Variants in PABPC4L observed in about 807,000 individuals in gnomAD.
PABPC4L encodes the protein poly(A) binding protein cytoplasmic 4 like, also known as polyadenylate-binding protein 4-like.
For missense variants in PABPC4L, 452 were observed against 451.4 expected (o/e 1.00, Z -0.01); for synonymous variants, 169 against 164.1 (o/e 1.03, Z -0.23).
the PABPC4L span, among the ~76,000 whole-genome samples, chr4:133,995,926 G>T: frequency 1.3e-5 from 2 of 152,050 alleles, no homozygotes; most frequent in Non-Finnish European, 2.9e-5. Context: ...TGGGCTAGTG[G>T]CTCCCTTTTC....
At chr4:134,159,993 C>T in the PABPC4L span, among the ~76,000 whole-genome samples, 1 of 152,110 alleles carries the variant, frequency 6.6e-6, no homozygotes, top group Non-Finnish European at 1.5e-5. Flanking sequence ...GTTTTTACTC[C>T]TGCATGGTGT....
At chr4:134,169,314 A>C in the PABPC4L span, among the ~76,000 whole-genome samples, 1 of 152,000 alleles carries the variant, frequency 6.6e-6, no homozygotes, top group African/African-American at 2.4e-5. Context: ...AAATCTAAAA[A>C]TCCATATAAG....
the PABPC4L span, among the ~76,000 whole-genome samples, chr4:134,149,593 G>A: frequency 6.6e-6 from 1 of 152,054 alleles, no homozygotes; most frequent in Non-Finnish European, 1.5e-5. Context: ...GACATTTCTT[G>A]GGTTATACAA....
chr4:134,075,158 G>A, the PABPC4L span, among the ~76,000 whole-genome samples: 4 of 152,262 alleles, frequency 2.6e-5, no homozygotes, highest in South Asian at 4.1e-4. Flanking sequence ...GAGAAGTTCA[G>A]GGTTTTGAGT....
In PABPC4L at chr4:134,197,973, T is replaced by C. The variant is rs1560838048; in HGVS notation, c.*1934A>G. The C allele has an allele frequency of 1.3e-5, 2 of 151,766 alleles. No homozygotes were observed. The highest frequency in any genetic ancestry group is 3.0e-5 in the Non-Finnish European group (2 of 67,722). The allele number at this position is 151,766 out of a possible 1,614,324, so 9.4% of individuals were successfully genotyped here. On this transcript the variant is annotated 3_prime_UTR_variant, in exon 2 of 2. Transcript: ENST00000421491. The stretch of plus-strand genomic sequence containing the variant: ...ACATTTTCTTAAGAAAATAGATATA[T>C]TTGCATATATAAGTTCGCAAGGATG...
the PABPC4L span, among the ~76,000 whole-genome samples, chr4:134,009,631 G>A: frequency 6.6e-6 from 1 of 151,892 alleles, no homozygotes; most frequent in African/African-American, 2.4e-5. Context: ...TTCCTATTGT[G>A]GAGAACATTT....
At chr4:134,056,859 C>T in the PABPC4L span, among the ~76,000 whole-genome samples, 13 of 151,868 alleles carry the variant, frequency 8.6e-5, no homozygotes, top group African/African-American at 2.9e-4. Context: ...CTTTTTCTGG[C>T]TGTGTATCTT....
At chr4:133,996,667 T>C in the PABPC4L span, among the ~76,000 whole-genome samples, 1 of 152,152 alleles carries the variant, frequency 6.6e-6, no homozygotes, top group Admixed American at 6.5e-5. Context: ...AAGTCTGTCC[T>C]GCAGACTCTG....
the PABPC4L span, among the ~76,000 whole-genome samples, chr4:134,088,272 T>C: frequency 1.3e-5 from 2 of 152,076 alleles, no homozygotes; most frequent in Non-Finnish European, 2.9e-5. Flanking sequence ...GAAATTTATA[T>C]CTCCAGTTTC....
chr4:134,175,886 A>T, the PABPC4L span, among the ~76,000 whole-genome samples: 1 of 152,210 alleles, frequency 6.6e-6, no homozygotes, highest in Non-Finnish European at 1.5e-5. Flanking sequence ...AGAAGAAAAA[A>T]AATTGAATAG....
chr4:134,071,572 G>C, the PABPC4L span, among the ~76,000 whole-genome samples: 1 of 152,060 alleles, frequency 6.6e-6, no homozygotes, highest in Non-Finnish European at 1.5e-5. Context: ...GAGGCAAACT[G>C]TTATAACAAT....
the PABPC4L span, among the ~76,000 whole-genome samples, chr4:134,133,604 G>A: frequency 5.6e-3 from 848 of 151,440 alleles, 6 homozygotes; most frequent in African/African-American, 0.019. Flanking sequence ...CATCAACGTC[G>A]TATGTTCTCA....
the PABPC4L span, among the ~76,000 whole-genome samples, chr4:134,085,237 T>A: frequency 6.6e-6 from 1 of 152,072 alleles, no homozygotes; most frequent in African/African-American, 2.4e-5. Flanking sequence ...TCTATCACTG[T>A]TTTCATAAAC....
chr4:134,105,870 A>C, the PABPC4L span, among the ~76,000 whole-genome samples: 2 of 151,670 alleles, frequency 1.3e-5, no homozygotes, highest in Admixed American at 1.3e-4. Flanking sequence ...TTAACTTTGG[A>C]GGAGGAGATG....
chr4:134,027,445 G>T, the PABPC4L span, among the ~76,000 whole-genome samples: 1 of 152,054 alleles, frequency 6.6e-6, no homozygotes, highest in Admixed American at 6.6e-5. Context: ...ATTCCATTGT[G>T]TATATATACT....
At chr4:133,967,473 A>T in the PABPC4L span, among the ~76,000 whole-genome samples, 1 of 152,220 alleles carries the variant, frequency 6.6e-6, no homozygotes, top group African/African-American at 2.4e-5. Context: ...CATTTAGTGC[A>T]AAGTGTCTTA....
chr4:134,059,288 G>A, the PABPC4L span, among the ~76,000 whole-genome samples: 13 of 150,634 alleles, frequency 8.6e-5, no homozygotes, highest in South Asian at 4.2e-4. Context: ...TTAAAGGTTC[G>A]TCGGAAAGTT....
the PABPC4L span, among the ~76,000 whole-genome samples, chr4:134,125,497 A>C: frequency 6.6e-6 from 1 of 152,162 alleles, no homozygotes; most frequent in African/African-American, 2.4e-5. Flanking sequence ...TCTTGGATGT[A>C]CATTTTGCTA....
chr4:134,057,320 TTC>T, the PABPC4L span, among the ~76,000 whole-genome samples: 13 of 152,098 alleles, frequency 8.5e-5, no homozygotes, highest in African/African-American at 3.1e-4. Flanking sequence ...TATTATTTTT[TTC>T]TCTGTCTTTT....
Sources: allele counts gnomAD v4.1 joint callset (sites outside exome capture counted in the v4.1 genomes callset), GRCh38; gene constraint gnomAD v4.1.1; transcripts MANE v1.5; gene names NCBI Gene and HGNC (gene_info 2026-07-23, HGNC 2026-07-21).